IFT81: variants seen among roughly 807,000 people sequenced by gnomAD.
IFT81 encodes the protein intraflagellar transport protein 81 homolog.
In IFT81, 72 loss-of-function variants were observed where a neutral mutation model predicts 102.6. The ratio of observed to expected loss-of-function variants is 0.70; its 90% CI spans 0.58 to 0.85. The LOEUF is 0.85. Among genes scored for constraint, IFT81 ranks in the 40% least tolerant of loss-of-function variants. The pLI is 0.00. For synonymous variants in IFT81, 237 were observed against 242.7 expected, an observed-to-expected ratio of 0.98 and a Z score of 0.22; for missense variants, 723 against 787.3, an observed-to-expected ratio of 0.92 and a Z score of 0.98.
intron 5 of IFT81, 122 bp downstream of exon 5, chr12:110,132,758 T>C: frequency 1.9e-6 from 1 of 532,532 alleles, no homozygotes. Context: ...AATGGCACAT[T>C]TTACTTTGTG....
chr12:110,145,002 A>T (rs902174658), intron 9 of IFT81, among the ~76,000 whole-genome samples: 1 of 143,784 alleles, frequency 7.0e-6, no homozygotes, highest in Admixed American at 7.1e-5. Flanking sequence ...ACTAGCTGGG[A>T]TTACAGGCGC....
intron 8 of IFT81, among the ~76,000 whole-genome samples, chr12:110,138,408 T>G (rs377226520): frequency 6.6e-6 from 1 of 152,144 alleles, no homozygotes; most frequent in East Asian, 1.9e-4. Flanking sequence ...ACAGCTATAT[T>G]ATAAAACATT....
chr12:110,158,135 A>T (rs964823674), intron 10 of IFT81, among the ~76,000 whole-genome samples: 1 of 152,008 alleles, frequency 6.6e-6, no homozygotes, highest in Non-Finnish European at 1.5e-5. Context: ...CAGTGGCATG[A>T]TCTCAACTCA....
intron 18 of IFT81, among the ~76,000 whole-genome samples, chr12:110,209,717 C>T (rs1006087500): frequency 2.0e-5 from 3 of 147,090 alleles, no homozygotes; most frequent in Admixed American, 1.4e-4. Context: ...TGCAGTGAGC[C>T]GAGATTGCGC....
intron 8 of IFT81, among the ~76,000 whole-genome samples, chr12:110,143,123 G>A (rs1593293100): frequency 6.6e-6 from 1 of 151,808 alleles, no homozygotes; most frequent in East Asian, 1.9e-4. Flanking sequence ...AAAAGAATTA[G>A]GTTATAATTT....
At chr12:110,202,521 C>T (rs1441230013) in intron 14 of IFT81, among the ~76,000 whole-genome samples, 3 of 149,334 alleles carry the variant, frequency 2.0e-5, no homozygotes, top group East Asian at 2.0e-4. Context: ...GGTGTGATCT[C>T]GGCTCACTGC....
At chr12:110,129,764 G>A (rs1307110486) in intron 4 of IFT81, among the ~76,000 whole-genome samples, 1 of 152,112 alleles carries the variant, frequency 6.6e-6, no homozygotes, top group African/African-American at 2.4e-5. Context: ...CTGATCCTGA[G>A]ATCCCTAAGC....
chr12:110,132,500 T>C (rs1004930388), intron 4 of IFT81, 47 bp from the exon 5 acceptor site: 5 of 770,440 alleles, frequency 6.5e-6, no homozygotes, highest in African/African-American at 3.7e-5. Flanking sequence ...AAGAAAACTC[T>C]ACTGGATCTA....
intron 11 of IFT81, among the ~76,000 whole-genome samples, chr12:110,177,874 C>G (rs1176005726): frequency 3.0e-3 from 399 of 134,268 alleles, no homozygotes; most frequent in Middle Eastern, 0.028. Context: ...GTGGGCGGAT[C>G]ACCTGAGGTC....
At chr12:110,173,346 G>T (rs186091224) in intron 11 of IFT81, among the ~76,000 whole-genome samples, 26 of 140,924 alleles carry the variant, frequency 1.8e-4, no homozygotes, top group Non-Finnish European at 3.4e-4. Context: ...AGGTGGGGGG[G>T]TCAGCCCCCC....
At chr12:110,131,892 T>C (rs767481779) in intron 4 of IFT81, among the ~76,000 whole-genome samples, 1 of 152,060 alleles carries the variant, frequency 6.6e-6, no homozygotes, top group Non-Finnish European at 1.5e-5. Context: ...ACTTGAAGGA[T>C]GAAAAGGAGT....
At chr12:110,152,341 G>A (rs1055020231) in intron 10 of IFT81, among the ~76,000 whole-genome samples, 1 of 152,064 alleles carries the variant, frequency 6.6e-6, no homozygotes, top group African/African-American at 2.4e-5. Flanking sequence ...TTTGATAGTA[G>A]CCATTCTAAC....
intron 18 of IFT81, among the ~76,000 whole-genome samples, chr12:110,217,729 T>A (rs1372385071): frequency 6.6e-6 from 1 of 150,858 alleles, no homozygotes; most frequent in East Asian, 1.9e-4. Flanking sequence ...GCCTGGCTAA[T>A]TTTTTTTTGT....
At chr12:110,167,235 C>G (rs952596551) in intron 11 of IFT81, among the ~76,000 whole-genome samples, 3 of 152,080 alleles carry the variant, frequency 2.0e-5, no homozygotes, top group Non-Finnish European at 2.9e-5. Flanking sequence ...TACTTCCCCC[C>G]CATTGTACTT....
Position 110,154,551 on chromosome 12 carries a change from C to T in IFT81, c.1041+7503C>T, listed in dbSNP as rs111880725. On this transcript the variant is annotated intron_variant, in intron 10 of 18. Coordinates refer to ENST00000242591, the MANE Select transcript of IFT81 (RefSeq NM_014055.4). Reference sequence around the variant, plus strand: ...GAGGCTGAGATGGAAAAATTGAACCCGGGAGGTAGAGGTTGCAGTGAGTCA... The same window carrying T: ...GAGGCTGAGATGGAAAAATTGAACCTGGGAGGTAGAGGTTGCAGTGAGTCA... Among the ~76,000 whole-genome samples the T allele has an allele frequency of 1.7e-3, 246 of 146,812 alleles. 1 individual carries two copies. The highest frequency in any genetic ancestry group is 5.5e-3 in the African/African-American group (218 of 39,616).
At chr12:110,134,655 T>C (rs891620237) in intron 5 of IFT81, among the ~76,000 whole-genome samples, 3 of 152,230 alleles carry the variant, frequency 2.0e-5, no homozygotes, top group Non-Finnish European at 2.9e-5. Flanking sequence ...AAAAATCATG[T>C]GCCCATATTT....
chr12:110,214,511 G>T (rs2137616336), intron 18 of IFT81, among the ~76,000 whole-genome samples: 1 of 152,120 alleles, frequency 6.6e-6, no homozygotes, highest in Non-Finnish European at 1.5e-5. Flanking sequence ...ACCTCCTCAG[G>T]CCAACTGAGT....
At chr12:110,190,504 A>ATT (rs145642923) in intron 12 of IFT81, among the ~76,000 whole-genome samples, 1 of 150,272 alleles carries the variant, frequency 6.7e-6, no homozygotes, top group African/African-American at 2.4e-5. Context: ...GAGGGAAGGG[A>ATT]TTTTTTTTTT....
intron 2 of IFT81, 88 bp downstream of exon 2, chr12:110,127,612 C>G (rs2137290926): frequency 2.6e-6 from 3 of 1,156,270 alleles, no homozygotes; most frequent in Non-Finnish European, 2.3e-6. Flanking sequence ...ATTATTTAAC[C>G]TCTCTGAGCT....
Sources: gnomAD v4.1 joint callset for allele counts (sites outside exome capture counted in the v4.1 genomes callset) on GRCh38, gnomAD v4.1.1 for gene constraint, MANE v1.5 for transcripts, NCBI Gene and HGNC (gene_info 2026-07-23, HGNC 2026-07-21) for gene names.